The following ATP2B2 variants were observed in gnomAD, a reference collection of about 807,000 sequenced individuals.
ATP2B2 encodes ATPase plasma membrane Ca2+ transporting 2, also known as plasma membrane calcium-transporting ATPase 2.
Under a neutral mutation model 120.0 loss-of-function variants are expected in ATP2B2, and 15 were observed. The ratio of observed to expected loss-of-function variants is 0.12; its 90% CI spans 0.08 to 0.19. ATP2B2 has a LOEUF of 0.19. Ranked by LOEUF, ATP2B2 falls within the 10% of genes least tolerant of loss-of-function variation. The probability of loss-of-function intolerance (pLI) is 1.00; values close to 1 mark genes in which losing one functional copy is unlikely to be tolerated. For synonymous variants in ATP2B2, 694 were observed against 700.3 expected, an observed-to-expected ratio of 0.99 and a Z score of 0.14; for missense variants, 1,045 against 1,719.8, an observed-to-expected ratio of 0.61 and a Z score of 6.94.
In ATP2B2 at chr3:10,495,113, G is replaced by T. The variant is rs534318815; in HGVS notation, c.-320+10352C>A. On this transcript the variant is annotated intron_variant, in intron 1 of 22. Coordinates refer to ENST00000360273, the MANE Select transcript of ATP2B2 (RefSeq NM_001001331.4). ...GACATGGTCAATTCCTGGGGGCCAG[G>T]CCTGTTGCTGCTGAAGAGTCAGTCT... Among the ~76,000 whole-genome samples, 7 of 152,358 alleles carry T rather than the reference G, an allele frequency of 4.6e-5. No homozygotes were observed. In the East Asian group the frequency reaches 1.2e-3, roughly 25 times the overall value.
In ATP2B2 at chr3:10,673,842, AAAGG is replaced by A. The variant is rs369061597; in HGVS notation, c.-460+34069_-460+34072del. ...AAAAAAAAAAAAGAAGGAAAGAAAGAAAGGAAGGAAGGAAGGAAGAGAAAGCAAG... is the reference window on the plus strand; with the variant it reads ...AAAAAAAAAAAAGAAGGAAAGAAAGAAAGGAAGGAAGGAAGAGAAAGCAAG... On this transcript the variant is annotated intron_variant, in intron 1 of 21. Transcript: ENST00000646379. Among the ~76,000 whole-genome samples, 211 of 150,856 alleles carry A rather than the reference AAAGG, an allele frequency of 1.4e-3. 2 individuals carry two copies. The highest frequency in any genetic ancestry group is 0.01 in the East Asian group (52 of 5,138).
chr3:10,415,266 T>C (rs1246682631), intron 2 of ATP2B2, among the ~76,000 whole-genome samples: 2 of 152,220 alleles, frequency 1.3e-5, no homozygotes, highest in Non-Finnish European at 2.9e-5. Flanking sequence ...GTGCTGTGCC[T>C]GGCACCGGGT....
chr3:10,480,071 C>T (rs1296708345), intron 1 of ATP2B2, among the ~76,000 whole-genome samples: 3 of 152,170 alleles, frequency 2.0e-5, no homozygotes, highest in Non-Finnish European at 4.4e-5. Context: ...ACTCCAGAGC[C>T]TGGGTGACAG....
intron 1 of ATP2B2, among the ~76,000 whole-genome samples, chr3:10,502,249 C>T (rs543550812): frequency 1.3e-5 from 2 of 152,358 alleles, no homozygotes; most frequent in South Asian, 4.1e-4. Context: ...ATGCCAATCA[C>T]ACCTTCGTGC....
At position 10,371,513 on chromosome 3, in the gene ATP2B2, C is replaced by T. The variant is rs7427473; in HGVS notation, c.1659+296G>A. On this transcript the variant is annotated intron_variant, in intron 12 of 22. Coordinates refer to ENST00000360273, the MANE Select transcript of ATP2B2 (RefSeq NM_001001331.4). ...AGCCACTAAGTTTTGGAGTAGTTTG[C>T]TATGCAGCAAAAGCACACTAATGAA... Among the ~76,000 whole-genome samples, 94,102 of 152,114 alleles carry T rather than the reference C, an allele frequency of 0.62. 29,918 individuals are homozygous for T. The highest frequency in any genetic ancestry group is 0.99 in the East Asian group (5,133 of 5,192).
chr3:10,702,072 T>G (rs967611286), intron 1 of ATP2B2, among the ~76,000 whole-genome samples: 2 of 152,112 alleles, frequency 1.3e-5, no homozygotes, highest in Non-Finnish European at 2.9e-5. Context: ...AAGTAGCTGA[T>G]AGCAACATCT....
At chr3:10,511,483 G>A (rs1037865059) in intron 3 of ATP2B2, among the ~76,000 whole-genome samples, 1 of 152,192 alleles carries the variant, frequency 6.6e-6, no homozygotes, top group African/African-American at 2.4e-5. Flanking sequence ...TAGTAGTTTT[G>A]GATGGTGTTT....
chr3:10,381,533 C>T (rs2061530643), intron 8 of ATP2B2, among the ~76,000 whole-genome samples: 1 of 152,172 alleles, frequency 6.6e-6, no homozygotes, highest in South Asian at 2.1e-4. Flanking sequence ...ATCACCAATG[C>T]ATATGCTGGA....
intron 3 of ATP2B2, among the ~76,000 whole-genome samples, chr3:10,522,250 T>C (rs1486833554): frequency 6.6e-6 from 1 of 152,202 alleles, no homozygotes; most frequent in African/African-American, 2.4e-5. Flanking sequence ...TCCTTTTCAG[T>C]ACGTGTGTAT....
chr3:10,571,114 T>C (rs2125544478), intron 2 of ATP2B2, among the ~76,000 whole-genome samples: 1 of 152,244 alleles, frequency 6.6e-6, no homozygotes, highest in Non-Finnish European at 1.5e-5. Context: ...AAGGTGGAAG[T>C]TTGGGGAGGA....
In ATP2B2 at chr3:10,397,601, G is replaced by C. The variant is rs546955629; in HGVS notation, c.781+3352C>G. 1.2e-4 allele frequency among the ~76,000 whole-genome samples: 18 copies of C among 152,272 alleles called. No individual in the cohort carries two copies. The East Asian group carries it at 3.1e-3, about 26-fold the overall frequency. On this transcript the variant is annotated intron_variant, in intron 5 of 22. Coordinates refer to ENST00000360273, the MANE Select transcript of ATP2B2 (RefSeq NM_001001331.4). ...GAGCAGATGGAAAAAAGTTAAGTGG[G>C]CAAAGAGGAAGAAATGAGACTGGGA...
chr3:10,400,000 G>A (rs1575122135), intron 5 of ATP2B2, among the ~76,000 whole-genome samples: 1 of 152,192 alleles, frequency 6.6e-6, no homozygotes, highest in African/African-American at 2.4e-5. Flanking sequence ...ATCACTGGTG[G>A]GTTGGGGGTG....
intron 2 of ATP2B2, among the ~76,000 whole-genome samples, chr3:10,598,229 T>C (rs1230712929): frequency 6.6e-6 from 1 of 152,162 alleles, no homozygotes; most frequent in East Asian, 1.9e-4. Flanking sequence ...GTGAAGAACG[T>C]GGTAACTCCG....
At chr3:10,576,215 A>T (rs2068243228) in intron 2 of ATP2B2, among the ~76,000 whole-genome samples, 1 of 152,162 alleles carries the variant, frequency 6.6e-6, no homozygotes, top group Non-Finnish European at 1.5e-5. Context: ...CACCAGAAAA[A>T]GGGCAGGGCC....
intron 6 of ATP2B2, among the ~76,000 whole-genome samples, chr3:10,386,851 G>GT (rs1211433588): frequency 6.6e-6 from 1 of 152,206 alleles, no homozygotes; most frequent in Non-Finnish European, 1.5e-5. Context: ...AGGAGTGCAG[G>GT]TGCATGCTCA....
At position 10,699,964 on chromosome 3, in the gene ATP2B2, C is replaced by T. The variant is rs140129354; in HGVS notation, c.-460+7951G>A. On this transcript the variant is annotated intron_variant, in intron 1 of 21. Coordinates refer to the ATP2B2 transcript ENST00000646379. ...TACATTTCTCTTCTTATAAATAACC[C>T]GGTTTCAAGTGGTCTCTTACAATAG... Among the ~76,000 whole-genome samples the T allele has an allele frequency of 1.8e-3, 271 of 152,168 alleles. 1 individual carries two copies. Among genetic ancestry groups the T allele is most frequent in the Non-Finnish European group, 3.1e-3 (213 of 67,996 alleles).
chr3:10,375,547 C>T lies in ATP2B2; in HGVS notation c.1299G>A (p.Thr433=), dbSNP rs992479975. The change falls in exon 11 of 23, where the codon ACG becomes ACA. Residue 433 remains threonine, a synonymous_variant. Transcript: ENST00000360273. The surrounding 1 kb of genome is among the most constrained non-coding windows in gnomAD (Gnocchi z 4.2). ...VNKKPWLPEC[T]PVYVQYFVKF... ...TGACAAAGTACTGCACGTAGACGGG[C>T]GTGCACTCAGGCAGCCACGGCTTCT... is the stretch of plus-strand genomic sequence containing the variant. The T allele has an allele frequency of 1.7e-5, 28 of 1,613,572 alleles. No individual in the cohort carries two copies. The highest frequency in any genetic ancestry group is 1.6e-4 in the Middle Eastern group (1 of 6,084).
chr3:10,553,116 G>A (rs1234079995), intron 2 of ATP2B2, among the ~76,000 whole-genome samples: 2 of 152,186 alleles, frequency 1.3e-5, no homozygotes, highest in Non-Finnish European at 2.9e-5. Flanking sequence ...TAACAGAAAT[G>A]CTTTAGAAAC....
intron 2 of ATP2B2, among the ~76,000 whole-genome samples, chr3:10,584,630 T>C (rs1463125697): frequency 6.6e-6 from 1 of 152,174 alleles, no homozygotes; most frequent in Non-Finnish European, 1.5e-5. Context: ...CGTAATATCC[T>C]CCCAGCCACT....
Sources: allele counts gnomAD v4.1 joint callset (sites outside exome capture counted in the v4.1 genomes callset), GRCh38; gene constraint gnomAD v4.1.1; non-coding constraint Gnocchi (gnomAD v3.1); transcripts MANE v1.5; gene names NCBI Gene and HGNC (gene_info 2026-07-23, HGNC 2026-07-21).